NOS1: variants seen among roughly 807,000 people sequenced by gnomAD.
NOS1 encodes nitric oxide synthase 1, also known as NOS type I.
In NOS1, 51 loss-of-function variants were observed where a neutral mutation model predicts 164.5. The observed-to-expected ratio is 0.31, with a 90% CI of 0.25 to 0.39. The LOEUF (loss-of-function observed/expected upper bound fraction) is 0.39, where lower values mean the gene tolerates loss of function less well. Among genes scored for constraint, NOS1 ranks in the 10% least tolerant of loss-of-function variants. The pLI is 1.00. For missense variants in NOS1, 1,362 were observed against 1,885.6 expected, an observed-to-expected ratio of 0.72 and a Z score of 5.14; for synonymous variants, 719 against 745.8, an observed-to-expected ratio of 0.96 and a Z score of 0.59.
intron 7 of NOS1, 127 bp from the exon 8 acceptor site, chr12:117,280,993 C>T: frequency 1.1e-5 from 11 of 1,027,090 alleles, no homozygotes; most frequent in South Asian, 1.6e-5. Flanking sequence ...GTGCCAAGGT[C>T]CCCAGGGCCA....
chr12:117,351,121 G>C (rs993528945), intron 1 of NOS1, among the ~76,000 whole-genome samples: 8 of 151,634 alleles, frequency 5.3e-5, no homozygotes, highest in African/African-American at 1.9e-4. Context: ...CTCAAAAGAA[G>C]AAGAAGAAAA....
At chr12:117,332,544 T>C (rs535473253) in intron 1 of NOS1, among the ~76,000 whole-genome samples, 17 of 151,080 alleles carry the variant, frequency 1.1e-4, no homozygotes, top group South Asian at 2.1e-4. Context: ...CTGGGCAACA[T>C]AGCAAGACCC....
At chr12:117,320,283 C>T (rs9658285) in intron 2 of NOS1, among the ~76,000 whole-genome samples, 3 of 152,046 alleles carry the variant, frequency 2.0e-5, no homozygotes, top group Non-Finnish European at 4.4e-5. Flanking sequence ...GGGTTATCTC[C>T]GTGGGCCAAT....
At position 117,330,572 on chromosome 12, in the gene NOS1, C is replaced by T. The variant is rs770822226; in HGVS notation, c.498G>A (p.Gly166=). 2.5e-6 allele frequency: 4 copies of T among 1,613,194 alleles called. No individual in the cohort carries two copies. The highest frequency in any genetic ancestry group is 2.5e-6 in the Non-Finnish European group (3 of 1,179,762). Residue 166 remains glycine, a synonymous_variant, in exon 2 of 29, where the codon GGG becomes GGA. Transcript: ENST00000317775. The surrounding 1 kb of genome is among the most constrained non-coding windows in gnomAD (Gnocchi z 4.6). ...GNGPQHAYDD[G]QEAGSLPHAN... ...CATGGGGGAGTGAGCCAGCCTCCTGCCCATCATCGTAGGCATGCTGAGGCC... is the reference window on the plus strand; with the variant it reads ...CATGGGGGAGTGAGCCAGCCTCCTGTCCATCATCGTAGGCATGCTGAGGCC...
rs1870395824 is a variant in NOS1 at position 117,243,790 on chromosome 12, A to G, written c.2824-355T>C. Among the ~76,000 whole-genome samples the G allele has an allele frequency of 6.7e-6, 1 of 148,452 alleles. No individual in the cohort carries two copies. The highest frequency in any genetic ancestry group is 1.5e-5 in the Non-Finnish European group (1 of 67,254). On this transcript the variant is annotated intron_variant, in intron 18 of 28. Transcript: ENST00000317775. The surrounding 1 kb of genome is among the most constrained non-coding windows in gnomAD (Gnocchi z 4.3). ...CACCCACCCACCCATCCATCTTTCC[A>G]TGCATCCATCCTTCCCTCCATCTAC...
intron 2 of NOS1, among the ~76,000 whole-genome samples, chr12:117,322,017 CCT>C (rs556862676): frequency 1.9e-5 from 1 of 51,338 alleles, no homozygotes; most frequent in African/African-American, 7.8e-5. Flanking sequence ...TCCTTCCCTC[CCT>C]CTCTCCTTCC....
Position 117,243,512 on chromosome 12 carries a change from T to G in NOS1, c.2824-77A>C. The stretch of plus-strand genomic sequence containing the variant: ...TCTCCAACAGCTCCAAGTCATGGCA[T>G]GTATCTCTTCATTCACCCATCCATC... On this transcript the variant is annotated intron_variant, in intron 18 of 28. Coordinates refer to ENST00000317775, the MANE Select transcript of NOS1 (RefSeq NM_000620.5). This position sits in a 1 kb window ranked among gnomAD's most constrained non-coding sequence, Gnocchi z 4.3. 2.6e-6 allele frequency: 4 copies of G among 1,529,612 alleles called. No homozygotes were observed. The highest frequency in any genetic ancestry group is 3.6e-6 in the Non-Finnish European group (4 of 1,120,666). 94.8% of individuals were successfully genotyped at this position (1,529,612 alleles called of 1,614,324 possible).
intron 28 of NOS1, among the ~76,000 whole-genome samples, chr12:117,216,442 G>A (rs1956612267): frequency 1.3e-5 from 2 of 151,530 alleles, no homozygotes; most frequent in Admixed American, 1.3e-4. Flanking sequence ...TCAGCCTCCC[G>A]AAGTGCTGGG....
In NOS1 at chr12:117,219,970, G is replaced by C. The variant is rs986816269; in HGVS notation, c.4170+105C>G. On this transcript the variant is annotated intron_variant, in intron 27 of 28. Coordinates refer to ENST00000317775, the MANE Select transcript of NOS1 (RefSeq NM_000620.5). ...GGTAAGTGCAACGAATGGGAGCAGG[G>C]ATATCATCGTGGCTCCCCTAATCAT... 3.7e-6 allele frequency: 4 copies of C among 1,073,244 alleles called. No homozygotes were observed. In the East Asian group the frequency reaches 9.6e-5, roughly 26 times the overall value. 66.5% of individuals were successfully genotyped at this position (1,073,244 alleles called of 1,614,324 possible).
rs3782217 is a variant in NOS1 at position 117,333,648 on chromosome 12, T to C, written c.-420-2159A>G. Among the ~76,000 whole-genome samples the C allele has an allele frequency of 5.0e-3, 768 of 152,330 alleles. 13 individuals are homozygous for C. The highest frequency in any genetic ancestry group is 0.041 in the South Asian group (199 of 4,832). ...AAATAATGAATCCCCGGGCTCAGCC[T>C]GGGCTGCGTTCTCCATCTGGCGTTG... is the stretch of plus-strand genomic sequence containing the variant. On this transcript the variant is annotated intron_variant, in intron 1 of 28. Coordinates refer to ENST00000317775, the MANE Select transcript of NOS1 (RefSeq NM_000620.5).
chr12:117,292,378 C>T (rs1004879817), intron 3 of NOS1, among the ~76,000 whole-genome samples: 1 of 151,844 alleles, frequency 6.6e-6, no homozygotes, highest in Non-Finnish European at 1.5e-5. Flanking sequence ...TGCATGAGGG[C>T]AAGTGTAAGG....
chr12:117,317,307 G>T (rs1029310416), intron 2 of NOS1, among the ~76,000 whole-genome samples: 33 of 151,642 alleles, frequency 2.2e-4, no homozygotes, highest in African/African-American at 7.3e-4. Flanking sequence ...TCTTGGTCTT[G>T]CCCAGCTGCC....
In NOS1 at chr12:117,330,766, C is replaced by T. The variant is rs1875503964; in HGVS notation, c.304G>A (p.Gly102Ser). The T allele has an allele frequency of 6.2e-7, 1 of 1,613,984 alleles. No individual in the cohort carries two copies. The change falls in exon 2 of 29, where the codon GGT becomes AGT. Residue 102 changes from glycine (G) to serine (S), a missense_variant. Gly to Ser is a moderately conservative substitution (Grantham distance 56). Around this residue, in one of 4 missense-constraint regions of NOS1, gnomAD observed 362 missense variants for 402.0 expected, o/e 0.90. Transcript: ENST00000317775. The surrounding 1 kb of genome is among the most constrained non-coding windows in gnomAD (Gnocchi z 4.6). ...HVVLILRGPE[G>S]FTTHLETTFT... ...GTGGTCTCCAGGTGCGTGGTGAAAC[C>T]TTCAGGGCCCCTCAGAATGAGGACC...
chr12:117,349,154 T>C (rs960344284), intron 1 of NOS1, among the ~76,000 whole-genome samples: 12 of 152,276 alleles, frequency 7.9e-5, no homozygotes, highest in Admixed American at 4.6e-4. Flanking sequence ...CAACCACTAA[T>C]CTGCTTTCTG....
intron 3 of NOS1, among the ~76,000 whole-genome samples, chr12:117,305,443 G>C (rs563687013): frequency 6.8e-6 from 1 of 147,140 alleles, no homozygotes; most frequent in South Asian, 2.1e-4. Flanking sequence ...TTGCCTGGGC[G>C]ACTGAGTGAG....
chr12:117,225,909 G>A (rs1169878704), intron 24 of NOS1, among the ~76,000 whole-genome samples: 2 of 152,188 alleles, frequency 1.3e-5, no homozygotes, highest in African/African-American at 4.8e-5. Context: ...GATTACAGGC[G>A]TGAGCCACTG....
rs1956516043 is a variant in NOS1 at position 117,210,854 on chromosome 12, G to A, written c.*4455C>T. 1 of 985,324 alleles carries A rather than the reference G, an allele frequency of 1.0e-6. No homozygotes were observed. Among genetic ancestry groups the A allele is most frequent in the African/African-American group, 1.7e-5 (1 of 57,240 alleles). The allele number at this position is 985,324 out of a possible 1,614,324, so 61.0% of individuals were successfully genotyped here. On this transcript the variant is annotated 3_prime_UTR_variant, in exon 29 of 29. Transcript: ENST00000317775. ...AAGGATTCACCCTGTTGACTCCAGA[G>A]AAGCTGACTATCACATCAGCTCTGA...
chr12:117,311,544 G>T lies in NOS1; in HGVS notation c.774C>A (p.Asn258Lys). 1 of 1,613,028 alleles carries T rather than the reference G, an allele frequency of 6.2e-7. No individual in the cohort carries two copies. Among genetic ancestry groups the T allele is most frequent in the South Asian group, 1.1e-5 (1 of 90,672 alleles). The change falls in exon 3 of 29, where the codon AAC (asparagine) becomes AAA (lysine). Residue 258 changes from asparagine to lysine, a missense_variant. Transcript: ENST00000317775. ...CCCATAGGTCATTGAAGACTCGGTC[G>T]TTCTCCACGCCGAGGGGCAGAGGTT... ...SHKPLPLGVE[N>K]DRVFNDLWGK...
chr12:117,229,046 G>C (rs1384036614), intron 22 of NOS1, among the ~76,000 whole-genome samples: 1 of 152,226 alleles, frequency 6.6e-6, no homozygotes, highest in African/African-American at 2.4e-5. Context: ...CTCCCAAAGT[G>C]CTGGGATTAT....
Sources: gnomAD v4.1 joint callset for allele counts (sites outside exome capture counted in the v4.1 genomes callset) on GRCh38, gnomAD v4.1.1 for gene constraint, gnomAD v4.1.1 regional missense constraint, Gnocchi (gnomAD v3.1) non-coding constraint, MANE v1.5 for transcripts, NCBI Gene and HGNC (gene_info 2026-07-23, HGNC 2026-07-21) for gene names.